The following ZSCAN30 variants were observed in gnomAD, a reference collection of about 807,000 sequenced individuals.
ZSCAN30 encodes zinc finger and SCAN domain-containing protein 30.
Under a neutral mutation model 44.3 loss-of-function variants are expected in ZSCAN30, and 37 were observed. The ratio of observed to expected loss-of-function variants is 0.84; its 90% CI spans 0.64 to 1.10. The LOEUF is 1.10. Ranked by LOEUF, ZSCAN30 falls within the 50% of genes least tolerant of loss-of-function variation. ZSCAN30 has a pLI of 0.00. For synonymous variants in ZSCAN30, 181 were observed against 204.6 expected, an observed-to-expected ratio of 0.88 and a Z score of 0.98; for missense variants, 549 against 582.6, an observed-to-expected ratio of 0.94 and a Z score of 0.59.
chr18:35,285,605 C>T (rs543053556), intron 1 of ZSCAN30, among the ~76,000 whole-genome samples: 3 of 152,014 alleles, frequency 2.0e-5, no homozygotes, highest in Admixed American at 6.5e-5. Flanking sequence ...TCTCTAGAAA[C>T]CCCCCAAATA....
At chr18:35,269,085 T>C (rs898437664) in intron 1 of ZSCAN30, 1 of 152,208 alleles carries the variant, frequency 6.6e-6, no homozygotes, top group Admixed American at 6.5e-5. Flanking sequence ...AAGGTGTTAA[T>C]CAGAAGATGT....
chr18:35,276,869 CT>C (rs2044375775), intron 1 of ZSCAN30, among the ~76,000 whole-genome samples: 1 of 152,196 alleles, frequency 6.6e-6, no homozygotes, highest in African/African-American at 2.4e-5. Flanking sequence ...GTTAGATCCA[CT>C]GAAAGCTTGC....
chr18:35,286,279 C>G (rs567741869), intron 1 of ZSCAN30, among the ~76,000 whole-genome samples: 3 of 152,248 alleles, frequency 2.0e-5, no homozygotes, highest in African/African-American at 7.2e-5. Flanking sequence ...CAATTCTGTA[C>G]AAACTCTTCA....
chr18:35,253,354 G>A lies in ZSCAN30; in HGVS notation c.*96C>T. On this transcript the variant is annotated 3_prime_UTR_variant, in exon 4 of 4. Coordinates refer to ENST00000333206, the MANE Select transcript of ZSCAN30 (RefSeq NM_001112734.4). ...AGTACCGAACTGGGAGGGAAGGACAGAAGTTCTGCTCTCAGGAAACTTTTC... is the reference window on the plus strand; with the variant it reads ...AGTACCGAACTGGGAGGGAAGGACAAAAGTTCTGCTCTCAGGAAACTTTTC... 1.0e-6 allele frequency: 1 copy of A among 976,924 alleles called. No individual in the cohort carries two copies. The highest frequency in any genetic ancestry group is 2.5e-5 in the East Asian group (1 of 39,352). 60.5% of individuals were successfully genotyped at this position (976,924 alleles called of 1,614,324 possible).
At chr18:35,256,212 A>C (rs2043808107) in intron 3 of ZSCAN30, 1 of 152,434 alleles carries the variant, frequency 6.6e-6, no homozygotes, top group South Asian at 2.1e-4. Context: ...TTATATTTAA[A>C]AAGTTGGAAT....
chr18:35,251,858 GACTAAT>G lies in ZSCAN30; in HGVS notation c.*1586_*1591del, dbSNP rs1159978266. On this transcript the variant is annotated 3_prime_UTR_variant, in exon 4 of 4. Transcript: ENST00000333206. ...GTATCTTCATAGCACTGTGAAAATG[GACTAAT>G]ACAAGCAGTGATCACCAAGTCTTCT... The G allele has an allele frequency of 6.6e-6, 1 of 151,762 alleles. No homozygotes were observed. The highest frequency in any genetic ancestry group is 1.5e-5 in the Non-Finnish European group (1 of 67,968). 9.4% of individuals were successfully genotyped at this position (151,762 alleles called of 1,614,324 possible).
At chr18:35,265,369 T>C (rs1439200430) in intron 1 of ZSCAN30, among the ~76,000 whole-genome samples, 5 of 152,148 alleles carry the variant, frequency 3.3e-5, no homozygotes, top group Non-Finnish European at 7.4e-5. Flanking sequence ...AATAACACCA[T>C]CAGGTATTAT....
chr18:35,281,013 G>A (rs894841550), intron 1 of ZSCAN30: 2 of 152,168 alleles, frequency 1.3e-5, no homozygotes, highest in African/African-American at 4.8e-5. Context: ...ATTTATCTGA[G>A]GAAGAAGTCT....
intron 3 of ZSCAN30, among the ~76,000 whole-genome samples, chr18:35,255,174 CT>C (rs554196354): frequency 1.0e-3 from 158 of 151,188 alleles, no homozygotes; most frequent in Middle Eastern, 3.2e-3. Flanking sequence ...AGAGCCAGAC[CT>C]TCTGGCTCTC....
At chr18:35,257,204 G>A (rs1217570152) in intron 3 of ZSCAN30, 1 of 152,256 alleles carries the variant, frequency 6.6e-6, no homozygotes, top group Non-Finnish European at 1.5e-5. Flanking sequence ...TTTTAACTAG[G>A]GATGTGGCCT....
intron 1 of ZSCAN30, among the ~76,000 whole-genome samples, chr18:35,272,350 G>GTTTTT (rs35727680): frequency 7.3e-6 from 1 of 137,684 alleles, no homozygotes; most frequent in Non-Finnish European, 1.6e-5. Flanking sequence ...ATTTTAGAAA[G>GTTTTT]TTTTTTTTTT....
rs140337855 is a variant in ZSCAN30, at chr18:35,271,987, C to T, written c.-103-7532G>A. On this transcript the variant is annotated intron_variant, in intron 1 of 3. Transcript: ENST00000333206. Reference sequence around the variant, plus strand: ...CGCCCACCCGGAACTCGCGCTGGCACGGTTCCCGCCCACGCCTCTCTCTCC... The same window carrying T: ...CGCCCACCCGGAACTCGCGCTGGCATGGTTCCCGCCCACGCCTCTCTCTCC... 2.8e-3 allele frequency among the ~76,000 whole-genome samples: 424 copies of T among 152,242 alleles called. 4 individuals are homozygous for T. Among genetic ancestry groups the T allele is most frequent in the East Asian group, 8.1e-3 (42 of 5,166 alleles).
intron 1 of ZSCAN30, chr18:35,266,609 A>AT (rs2044155214): frequency 1.4e-5 from 2 of 144,386 alleles, no homozygotes; most frequent in African/African-American, 5.2e-5. Flanking sequence ...GTATTAATAG[A>AT]TTTTTCATAC....
In ZSCAN30 at chr18:35,252,138, T is replaced by C. The variant is rs2143636000; in HGVS notation, c.*1312A>G. Reference sequence around the variant, plus strand: ...AAGCCTGGCTCAGAATCCCCATGTGTTGCTTTTCCTCTTCCTACTTATAAT... The same window carrying C: ...AAGCCTGGCTCAGAATCCCCATGTGCTGCTTTTCCTCTTCCTACTTATAAT... On this transcript the variant is annotated 3_prime_UTR_variant, in exon 4 of 4. Transcript: ENST00000333206. 6.6e-6 allele frequency: 1 copy of C among 152,352 alleles called. No homozygotes were observed. Among genetic ancestry groups the C allele is most frequent in the African/African-American group, 2.4e-5 (1 of 41,562 alleles). The allele number at this position is 152,352 out of a possible 1,614,324, so 9.4% of individuals were successfully genotyped here.
chr18:35,265,492 C>CAT (rs2044130552), intron 1 of ZSCAN30, among the ~76,000 whole-genome samples: 2 of 152,304 alleles, frequency 1.3e-5, no homozygotes, highest in South Asian at 4.1e-4. Context: ...TGCAACTCTA[C>CAT]AGTACTTGCT....
intron 3 of ZSCAN30, chr18:35,263,287 G>T (rs1428378738): frequency 2.0e-6 from 1 of 490,276 alleles, no homozygotes. Flanking sequence ...AATAATTATG[G>T]GTATTAGAGA....
chr18:35,253,733 A>T lies in ZSCAN30; in HGVS notation c.1202T>A (p.Ile401Asn). The change falls in exon 4 of 4, where the codon ATT (isoleucine) becomes AAT (asparagine). Residue 401 changes from isoleucine to asparagine, a missense_variant. By Grantham distance (149) the Ile-to-Asn change is moderately radical (BLOSUM62 -3). Coordinates refer to ENST00000333206, the MANE Select transcript of ZSCAN30 (RefSeq NM_001112734.4). ...GKAFSRSSAL[I>N]QHKKIHTGDK... is the part of the protein sequence containing the mutation. ...TCCAGTGTGAATTTTCTTATGCTGA[A>T]TAAGGGCTGAGCTCCGGCTGAAGGC... The T allele has an allele frequency of 6.2e-7, 1 of 1,614,148 alleles. No individual in the cohort carries two copies. Among genetic ancestry groups the T allele is most frequent in the Admixed American group, 1.7e-5 (1 of 60,008 alleles).
chr18:35,279,921 A>T (rs1168649580), intron 1 of ZSCAN30, among the ~76,000 whole-genome samples: 1 of 152,200 alleles, frequency 6.6e-6, no homozygotes, highest in Non-Finnish European at 1.5e-5. Context: ...GCTTGAACCT[A>T]TCTTTTGGGG....
chr18:35,254,688 A>G (rs1262291169), intron 3 of ZSCAN30: 3 of 443,658 alleles, frequency 6.8e-6, no homozygotes, highest in Non-Finnish European at 1.2e-5. Context: ...CTAGGAGACA[A>G]TCTTGGGTTA....
Sources: allele counts gnomAD v4.1 joint callset (sites outside exome capture counted in the v4.1 genomes callset), GRCh38; gene constraint gnomAD v4.1.1; transcripts MANE v1.5; gene names NCBI Gene and HGNC (gene_info 2026-07-23, HGNC 2026-07-21).